Variants in SDHA observed in about 807,000 individuals in gnomAD.
SDHA encodes succinate dehydrogenase [ubiquinone] flavoprotein subunit, mitochondrial.
SDHA carries 48 observed loss-of-function variants against 78.4 expected under a neutral mutation model. The observed-to-expected ratio is 0.61, with a 90% CI of 0.49 to 0.78. The LOEUF is 0.78. SDHA is among the 30% of genes least tolerant of loss of function. The probability of loss-of-function intolerance (pLI) is 0.00; values close to 1 mark genes in which losing one functional copy is unlikely to be tolerated. For synonymous variants in SDHA, 326 were observed against 353.9 expected (o/e 0.92, Z 0.88); for missense variants, 680 against 892.7 (o/e 0.76, Z 3.04).
At chr5:233,872 A>T (rs577679272) in intron 8 of SDHA, 44 of 512,894 alleles carry the variant, frequency 8.6e-5, no homozygotes, top group African/African-American at 8.1e-4. Flanking sequence ...AGTTTCTCTT[A>T]GTGTGTGTGA....
downstream of SDHA, among the ~76,000 whole-genome samples, chr5:259,018 T>C (rs1418982534): frequency 8.3e-5 from 3 of 36,090 alleles, no homozygotes; most frequent in Admixed American, 2.5e-4. Context: ...GAGCTCCGCC[T>C]CCCGCCAGAG....
At chr5:244,677 C>T (rs12332380) in intron 11 of SDHA, among the ~76,000 whole-genome samples, 35,892 of 151,808 alleles carry the variant, frequency 0.24, 6,246 homozygotes, top group African/African-American at 0.51. Context: ...GCCAATTCAA[C>T]CTGCTCAATT....
intron 3 of SDHA, 143 bp from the exon 4 acceptor site, chr5:225,276 T>C: frequency 9.9e-7 from 1 of 1,007,516 alleles, no homozygotes; most frequent in East Asian, 2.4e-5. Context: ...GTCTCGCTGC[T>C]CCTCTGCTGA....
chr5:252,030 C>T (rs1452875366), intron 13 of SDHA, among the ~76,000 whole-genome samples: 3 of 144,948 alleles, frequency 2.1e-5, no homozygotes, highest in Non-Finnish European at 3.0e-5. Flanking sequence ...AGTAAGCCAC[C>T]GTTTCAGACC....
intron 13 of SDHA, chr5:251,801 T>C (rs1429700180): frequency 1.5e-5 from 19 of 1,254,344 alleles, no homozygotes; most frequent in African/African-American, 6.3e-5. Flanking sequence ...GAGTAAGCCA[T>C]CATTTCAAGC....
chr5:237,745 T>C (rs4957002), intron 10 of SDHA, among the ~76,000 whole-genome samples: 86,086 of 125,946 alleles, frequency 0.68, 32,970 homozygotes, highest in Non-Finnish European at 0.75. Context: ...CTAGCACGGC[T>C]GTAACTTATA....
chr5:265,301 C>G, the SDHA span, among the ~76,000 whole-genome samples: 1 of 152,218 alleles, frequency 6.6e-6, no homozygotes, highest in Non-Finnish European at 1.5e-5. Context: ...GTTCCTTTCA[C>G]ATAGACACAT....
the SDHA span, among the ~76,000 whole-genome samples, chr5:264,809 A>T: frequency 8.3e-3 from 1,259 of 152,370 alleles, 27 homozygotes; most frequent in African/African-American, 0.029. Context: ...TGAAATCCTA[A>T]ATTTCAATCA....
At chr5:225,588 T>A in intron 4 of SDHA, 26 bp downstream of exon 4, 1 of 1,613,784 alleles carries the variant, frequency 6.2e-7, no homozygotes, top group Non-Finnish European at 8.5e-7. Context: ...CTCTGGGTGT[T>A]CTCGTGGTCT....
Position 235,307 on chromosome 5 carries a change from A to G in SDHA, c.1228A>G (p.Met410Val), listed in dbSNP as rs876658852. 4 of 1,614,156 alleles carry G rather than the reference A, an allele frequency of 2.5e-6. No individual in the cohort carries two copies. The highest frequency in any genetic ancestry group is 3.4e-6 in the Non-Finnish European group (4 of 1,180,020). Residue 410 changes from methionine to valine, a missense_variant, in exon 9 of 15, where the codon ATG becomes GTG. By Grantham distance (21) the Met-to-Val change is conservative (BLOSUM62 1). Transcript: ENST00000264932. ...IPVLPTVHYN[M>V]GGIPTNYKGQ... ...TGTCCTCCCCACCGTGCATTATAACATGGGCGGCATTCCCACCAACTACAA... is the reference window on the plus strand; with the variant it reads ...TGTCCTCCCCACCGTGCATTATAACGTGGGCGGCATTCCCACCAACTACAA...
downstream of SDHA, among the ~76,000 whole-genome samples, chr5:258,522 G>A (rs1353852819): frequency 1.7e-5 from 2 of 117,168 alleles, no homozygotes; most frequent in African/African-American, 4.9e-5. Context: ...CCCCCTGCCA[G>A]AGCATTACTG....
At chr5:249,195 A>G (rs539450007) in intron 11 of SDHA, 105 of 348,872 alleles carry the variant, frequency 3.0e-4, no homozygotes, top group Middle Eastern at 1.0e-3. Context: ...TGTGATTTCA[A>G]TGAAGATTGT....
intron 1 of SDHA, among the ~76,000 whole-genome samples, chr5:222,088 T>C (rs1409432017): frequency 6.6e-6 from 1 of 152,218 alleles, no homozygotes; most frequent in African/African-American, 2.4e-5. Context: ...AAGACTTCTT[T>C]CTTAAAATAT....
chr5:228,360 T>C lies in SDHA; in HGVS notation c.770+27T>C, dbSNP rs761233834. 3.1e-6 allele frequency: 5 copies of C among 1,605,334 alleles called. No homozygotes were observed. The South Asian group carries it at 5.5e-5, about 18-fold the overall frequency. On this transcript the variant is annotated intron_variant, in intron 6 of 14. Coordinates refer to ENST00000264932, the MANE Select transcript of SDHA (RefSeq NM_004168.4). ...TAGGAATCTCATTTCTACTTTATTT[T>C]GTTTATAAAAATGAATAAATTTCAT...
intron 5 of SDHA, 79 bp from the exon 6 acceptor site, chr5:228,106 A>G (rs3764982): frequency 0.14 from 203,322 of 1,411,594 alleles, 20,980 homozygotes; most frequent in African/African-American, 0.53. Context: ...TCTTTCACCT[A>G]TTCACATGAG....
rs370481102 is a variant in SDHA, at chr5:224,414, G to A, written c.205G>A (p.Ala69Thr). The A allele has an allele frequency of 2.7e-5, 44 of 1,613,692 alleles. No homozygotes were observed. The highest frequency in any genetic ancestry group is 2.1e-4 in the African/African-American group (16 of 75,042). Residue 69 changes from alanine to threonine, a missense_variant, in exon 3 of 15, where the codon GCT becomes ACT. Ala to Thr is a moderately conservative substitution (Grantham distance 58). Transcript: ENST00000264932. Reference sequence around the variant, plus strand: ...TGAATTTGATGCAGTGGTGGTAGGCGCTGGAGGGGCAGGCTTGCGAGCTGC... The same window carrying A: ...TGAATTTGATGCAGTGGTGGTAGGCACTGGAGGGGCAGGCTTGCGAGCTGC... ...DHEFDAVVVG[A>T]GGAGLRAAFG...
chr5:221,969 ACT>A (rs1347463118), intron 1 of SDHA, among the ~76,000 whole-genome samples: 1 of 152,142 alleles, frequency 6.6e-6, no homozygotes, highest in Admixed American at 6.5e-5. Context: ...GAGTGATCTC[ACT>A]GTTTCTACTT....
At chr5:219,158 G>T (rs1369975588) in intron 1 of SDHA, among the ~76,000 whole-genome samples, 1 of 152,250 alleles carries the variant, frequency 6.6e-6, no homozygotes, top group Non-Finnish European at 1.5e-5. Flanking sequence ...AGAGCTCAGC[G>T]CACTGACCGG....
chr5:232,130 C>G (rs1735443723), intron 7 of SDHA, among the ~76,000 whole-genome samples: 1 of 152,170 alleles, frequency 6.6e-6, no homozygotes. Context: ...AGAACCAGAC[C>G]TGTGTCTTCT....
Sources: allele counts gnomAD v4.1 joint callset (sites outside exome capture counted in the v4.1 genomes callset), GRCh38; gene constraint gnomAD v4.1.1; transcripts MANE v1.5; gene names NCBI Gene and HGNC (gene_info 2026-07-23, HGNC 2026-07-21).